SETD7: variants seen among roughly 807,000 people sequenced by gnomAD.
SETD7 encodes histone-lysine N-methyltransferase SETD7.
Under a neutral mutation model 41.8 loss-of-function variants are expected in SETD7, and 16 were observed. That is an observed-to-expected ratio of 0.38 (90% CI 0.26 to 0.58). SETD7 has a LOEUF of 0.58. Among genes scored for constraint, SETD7 ranks in the 20% least tolerant of loss-of-function variants. The pLI, the probability that SETD7 is intolerant of heterozygous loss-of-function variation, is 0.64. For missense variants in SETD7, 346 were observed against 459.7 expected (o/e 0.75, Z 2.26); for synonymous variants, 163 against 169.7 (o/e 0.96, Z 0.31).
intron 6 of SETD7, among the ~76,000 whole-genome samples, chr4:139,519,048 G>A (rs1179087418): frequency 6.6e-6 from 1 of 152,178 alleles, no homozygotes; most frequent in African/African-American, 2.4e-5. Context: ...GCGGTACCAT[G>A]TGCCGGGCAC....
chr4:139,550,532 C>A (rs1341836661), intron 1 of SETD7, among the ~76,000 whole-genome samples: 1 of 152,202 alleles, frequency 6.6e-6, no homozygotes, highest in Non-Finnish European at 1.5e-5. Flanking sequence ...AGCAGTAGAA[C>A]TTTATGTCTA....
At chr4:139,492,977 A>G (rs561352126), downstream of SETD7, among the ~76,000 whole-genome samples, 2 of 152,320 alleles carry the variant, frequency 1.3e-5, no homozygotes, top group East Asian at 3.9e-4. Context: ...ATGGAGATTC[A>G]TAGGGAAAGT....
chr4:139,502,349 G>A (rs1726598079), downstream of SETD7, among the ~76,000 whole-genome samples: 1 of 152,208 alleles, frequency 6.6e-6, no homozygotes, highest in African/African-American at 2.4e-5. Flanking sequence ...AGGGTAAAGT[G>A]GCCTCGGAAT....
chr4:139,497,386 C>T (rs1040940270), intron 7 of SETD7, among the ~76,000 whole-genome samples: 3 of 151,240 alleles, frequency 2.0e-5, no homozygotes, highest in Non-Finnish European at 4.4e-5. Flanking sequence ...ACACGGGAGG[C>T]GGAGGTTGCA....
chr4:139,554,416 T>G (rs1728200107), intron 1 of SETD7, among the ~76,000 whole-genome samples: 1 of 152,192 alleles, frequency 6.6e-6, no homozygotes, highest in African/African-American at 2.4e-5. Flanking sequence ...GTACCAGCAA[T>G]TAAGGGTTTG....
At chr4:139,495,303 A>G (rs1726432995), downstream of SETD7, among the ~76,000 whole-genome samples, 1 of 152,190 alleles carries the variant, frequency 6.6e-6, no homozygotes, top group Non-Finnish European at 1.5e-5. Context: ...CTTCTTTTAG[A>G]GGTTATATCA....
chr4:139,496,364 C>T (rs1176392228), exon 8 of SETD7: 11 of 701,740 alleles, frequency 1.6e-5, no homozygotes, highest in Admixed American at 4.0e-5. Context: ...TAATTACTCA[C>T]GAACATCATT....
chr4:139,501,094 T>C (rs1726566339), downstream of SETD7, among the ~76,000 whole-genome samples: 1 of 152,176 alleles, frequency 6.6e-6, no homozygotes, highest in African/African-American at 2.4e-5. Context: ...CTCCTCACCC[T>C]CTTTATTCTC....
At chr4:139,549,453 A>G (rs1670230766) in intron 1 of SETD7, among the ~76,000 whole-genome samples, 1 of 152,156 alleles carries the variant, frequency 6.6e-6, no homozygotes, top group Non-Finnish European at 1.5e-5. Context: ...CCCTTGGAGG[A>G]TAGTACTGAT....
At chr4:139,502,742 A>G (rs902537573), downstream of SETD7, among the ~76,000 whole-genome samples, 19 of 152,182 alleles carry the variant, frequency 1.2e-4, no homozygotes, top group Non-Finnish European at 2.6e-4. Flanking sequence ...AGAGGCGGGA[A>G]GAGGGAAACC....
chr4:139,503,881 T>C (rs564404539), downstream of SETD7, among the ~76,000 whole-genome samples: 2 of 152,316 alleles, frequency 1.3e-5, no homozygotes, highest in Non-Finnish European at 2.9e-5. Flanking sequence ...TTGCCAGTGA[T>C]TGGCTGAGTT....
At position 139,555,364 on chromosome 4, in the gene SETD7, G is replaced by T. The variant is rs1016250130; in HGVS notation, c.40+734C>A. ...CCAGCAATCTCGGTGCGGACTCGCG[G>T]CGCGCCTGCACAGCGTGGCGGCTGC... On this transcript the variant is annotated intron_variant, in intron 1 of 7. Coordinates refer to ENST00000274031, the MANE Select transcript of SETD7 (RefSeq NM_030648.4). The surrounding 1 kb of genome is among the most constrained non-coding windows in gnomAD (Gnocchi z 4.0). 6.6e-6 allele frequency among the ~76,000 whole-genome samples: 1 copy of T among 151,664 alleles called. No individual in the cohort carries two copies. Among genetic ancestry groups the T allele is most frequent in the South Asian group, 2.1e-4 (1 of 4,800 alleles).
At chr4:139,527,908 C>T (rs1727375639) in intron 4 of SETD7, among the ~76,000 whole-genome samples, 1 of 152,160 alleles carries the variant, frequency 6.6e-6, no homozygotes, top group Admixed American at 6.6e-5. Context: ...CCAAATTGGA[C>T]CTAAATATAA....
downstream of SETD7, among the ~76,000 whole-genome samples, chr4:139,495,777 C>T (rs903310867): frequency 5.3e-5 from 8 of 152,100 alleles, no homozygotes; most frequent in Non-Finnish European, 7.3e-5. Context: ...GTTATATAAA[C>T]GTAATGTTTA....
chr4:139,520,588 T>C (rs908166712), intron 5 of SETD7, among the ~76,000 whole-genome samples, 194 bp from the exon 6 acceptor site: 5 of 152,242 alleles, frequency 3.3e-5, no homozygotes, highest in Admixed American at 6.5e-5. Flanking sequence ...GTTATGTCTC[T>C]TTTAGGAGTG....
At chr4:139,529,259 A>G in intron 3 of SETD7, 39 bp from the exon 4 acceptor site, 2 of 1,543,562 alleles carry the variant, frequency 1.3e-6, no homozygotes, top group Non-Finnish European at 8.8e-7. Flanking sequence ...TATTATATAT[A>G]GTATGTCTAG....
intron 7 of SETD7, 60 bp downstream of exon 7, chr4:139,517,825 C>T: frequency 1.3e-6 from 2 of 1,528,116 alleles, no homozygotes; most frequent in Non-Finnish European, 1.8e-6. Flanking sequence ...TTTTACTGCC[C>T]TCCTCCGTCT....
chr4:139,551,127 G>A (rs2725778), intron 1 of SETD7, among the ~76,000 whole-genome samples: 91,189 of 152,084 alleles, frequency 0.6, 28,023 homozygotes, highest in African/African-American at 0.75. Flanking sequence ...CCAACAGCAT[G>A]TCCCGGTTGC....
chr4:139,511,727 C>T lies in SETD7; in HGVS notation c.1037G>A (p.Gly346Glu). Residue 346 changes from glycine to glutamate, a missense_variant, in exon 8 of 8, where the codon GGG becomes GAG. Coordinates refer to ENST00000274031, the MANE Select transcript of SETD7 (RefSeq NM_030648.4). ...GYDHSPPGKS[G>E]PEAPEWYQVE... ...CTGGTACCACTCAGGGGCTTCAGGC[C>T]CACTCTTCCCGGGGGGGCTGTGGTC... is the stretch of plus-strand genomic sequence containing the variant. 6.2e-7 allele frequency: 1 copy of T among 1,614,120 alleles called. No individual in the cohort carries two copies. The highest frequency in any genetic ancestry group is 8.5e-7 in the Non-Finnish European group (1 of 1,180,008).
Sources: gnomAD v4.1 joint callset for allele counts (sites outside exome capture counted in the v4.1 genomes callset) on GRCh38, gnomAD v4.1.1 for gene constraint, Gnocchi (gnomAD v3.1) non-coding constraint, MANE v1.5 for transcripts, NCBI Gene and HGNC (gene_info 2026-07-23, HGNC 2026-07-21) for gene names.